Variants in WDR31 observed in about 807,000 individuals in gnomAD.
The protein encoded by WDR31 is WD repeat domain 31.
In WDR31, 30 loss-of-function variants were observed where a neutral mutation model predicts 47.3. That is an observed-to-expected ratio of 0.63 (90% CI 0.47 to 0.86). The LOEUF is 0.86. Among genes scored for constraint, WDR31 ranks in the 40% least tolerant of loss-of-function variants. The probability of loss-of-function intolerance (pLI) is 0.00; values close to 1 mark genes in which losing one functional copy is unlikely to be tolerated. For missense variants in WDR31, 406 were observed against 442.9 expected (o/e 0.92, Z 0.75); for synonymous variants, 137 against 159.4 (o/e 0.86, Z 1.06).
intron 4 of WDR31, 136 bp from the exon 5 acceptor site, chr9:113,329,091 GT>G: frequency 1.3e-6 from 1 of 754,826 alleles, no homozygotes; most frequent in Middle Eastern, 2.4e-4. Context: ...AGCATTCGGG[GT>G]TCCCTGTTGT....
rs140926040 is a variant in WDR31 at position 113,324,482 on chromosome 9, C to T, written c.325-1327G>A. Among the ~76,000 whole-genome samples, 24 of 151,666 alleles carry T rather than the reference C, an allele frequency of 1.6e-4. No individual in the cohort carries two copies. In the East Asian group the frequency reaches 1.9e-3, roughly 12 times the overall value. ...TCGGTTCACTGCAACCTTCCCTTCC[C>T]GGGCTCAAGCAATCCACTTGCCTCA... On this transcript the variant is annotated intron_variant, in intron 5 of 10. Coordinates refer to ENST00000374193, the MANE Select transcript of WDR31 (RefSeq NM_001012361.4).
chr9:113,322,214 G>C (rs1833339569), intron 7 of WDR31, among the ~76,000 whole-genome samples: 1 of 151,726 alleles, frequency 6.6e-6, no homozygotes, highest in Non-Finnish European at 1.5e-5. Flanking sequence ...GCAGGTGATA[G>C]AATTCTCCCC....
chr9:113,330,395 C>A (rs1398950225), intron 4 of WDR31, among the ~76,000 whole-genome samples: 1 of 152,194 alleles, frequency 6.6e-6, no homozygotes, highest in Non-Finnish European at 1.5e-5. Flanking sequence ...GCCACCACAC[C>A]CGGCCCATTA....
rs1554730591 is a variant in WDR31 at position 113,331,904 on chromosome 9, T to C, written c.116+3A>G. On this transcript the variant is annotated splice_donor_region_variant and intron_variant, in intron 3 of 10. Coordinates refer to ENST00000374193, the MANE Select transcript of WDR31 (RefSeq NM_001012361.4). ...CTGGGCTCCCAGGGGAGGATTGCAG[T>C]ACCCGTATTTATAAGTGCTGTGTTT... The C allele has an allele frequency of 6.2e-7, 1 of 1,613,052 alleles. No individual in the cohort carries two copies. Among genetic ancestry groups the C allele is most frequent in the Non-Finnish European group, 8.5e-7 (1 of 1,179,210 alleles).
intron 8 of WDR31, 171 bp downstream of exon 8, chr9:113,321,340 A>G: frequency 3.2e-6 from 2 of 633,884 alleles, no homozygotes; most frequent in South Asian, 4.0e-5. Flanking sequence ...CTCTACCTTA[A>G]TGATCCATGG....
rs1209674727 is a variant in WDR31 at position 113,314,335 on chromosome 9, C to T, written c.*2414G>A. 6.6e-6 allele frequency: 1 copy of T among 150,786 alleles called. No homozygotes were observed. The highest frequency in any genetic ancestry group is 2.4e-5 in the African/African-American group (1 of 41,014). 9.3% of individuals were successfully genotyped at this position (150,786 alleles called of 1,614,324 possible). The stretch of plus-strand genomic sequence containing the variant: ...GTTGAAGCGATTCTCCTGCCTCAGC[C>T]TCCTGAGTAGCTGGGACTACAGGCG... On this transcript the variant is annotated 3_prime_UTR_variant, in exon 11 of 11. Coordinates refer to ENST00000374193, the MANE Select transcript of WDR31 (RefSeq NM_001012361.4).
intron 5 of WDR31, among the ~76,000 whole-genome samples, chr9:113,325,068 C>A (rs533222206): frequency 5.2e-4 from 79 of 152,106 alleles, no homozygotes; most frequent in African/African-American, 1.9e-3. Flanking sequence ...GTCTCAGCCT[C>A]CTGCATAGCT....
intron 2 of WDR31, among the ~76,000 whole-genome samples, chr9:113,334,490 A>G (rs1275942532): frequency 6.6e-6 from 1 of 152,040 alleles, no homozygotes; most frequent in Non-Finnish European, 1.5e-5. Context: ...AAAATTAATA[A>G]GTAAATGTCT....
At chr9:113,334,295 A>G (rs1833670237) in intron 2 of WDR31, among the ~76,000 whole-genome samples, 1 of 152,220 alleles carries the variant, frequency 6.6e-6, no homozygotes, top group Non-Finnish European at 1.5e-5. Context: ...AATAGATTAT[A>G]ATAGACTGAA....
At chr9:113,331,161 G>C (rs748181668) in intron 3 of WDR31, 45 bp from the exon 4 acceptor site, 1 of 500,818 alleles carries the variant, frequency 2.0e-6, no homozygotes, top group Non-Finnish European at 3.1e-6. Flanking sequence ...CATGGGAGTG[G>C]ATGGGGGTGG....
rs1280801552 is a variant in WDR31 at position 113,314,768 on chromosome 9, A to C, written c.*1981T>G. ...GTAGCTGGGATTACAGGCATGCACC[A>C]CCACGCCTGGCTAATTTTTGTATTT... On this transcript the variant is annotated 3_prime_UTR_variant, in exon 11 of 11. Transcript: ENST00000374193. The C allele has an allele frequency of 6.6e-6, 1 of 152,016 alleles. No individual in the cohort carries two copies. Among genetic ancestry groups the C allele is most frequent in the African/African-American group, 2.4e-5 (1 of 41,314 alleles). The allele number at this position is 152,016 out of a possible 1,614,324, so 9.4% of individuals were successfully genotyped here. A position where few individuals can be genotyped will look rare whatever the true frequency, so the allele number is the denominator to read the frequency against.
intron 5 of WDR31, among the ~76,000 whole-genome samples, chr9:113,327,227 C>T (rs1479657305): frequency 6.6e-6 from 1 of 152,122 alleles, no homozygotes; most frequent in Non-Finnish European, 1.5e-5. Flanking sequence ...ATCTTTGCTT[C>T]TTGAGTAGTT....
intron 2 of WDR31, among the ~76,000 whole-genome samples, chr9:113,334,790 C>G (rs1370127138): frequency 6.8e-6 from 1 of 146,752 alleles, no homozygotes; most frequent in Non-Finnish European, 1.5e-5. Context: ...AACCCCTGAC[C>G]TCAGGTGATC....
At chr9:113,338,713 G>A (rs1833766887) in intron 1 of WDR31, among the ~76,000 whole-genome samples, 1 of 151,690 alleles carries the variant, frequency 6.6e-6, no homozygotes, top group African/African-American at 2.4e-5. Flanking sequence ...CCACCTCCCA[G>A]GTTCAAGCGA....
At chr9:113,328,389 C>T (rs913136425) in intron 5 of WDR31, among the ~76,000 whole-genome samples, 1 of 152,140 alleles carries the variant, frequency 6.6e-6, no homozygotes, top group Non-Finnish European at 1.5e-5. Flanking sequence ...GACTTCAGAG[C>T]GGGGAATTAT....
chr9:113,329,719 A>T (rs926585051), intron 4 of WDR31, among the ~76,000 whole-genome samples: 11 of 151,744 alleles, frequency 7.2e-5, no homozygotes, highest in African/African-American at 2.7e-4. Context: ...CACGCCTGTA[A>T]TCCCAGCACT....
intron 5 of WDR31, among the ~76,000 whole-genome samples, chr9:113,324,982 G>C (rs935015582): frequency 2.6e-5 from 4 of 152,032 alleles, no homozygotes; most frequent in African/African-American, 9.7e-5. Context: ...GTCTCACTCT[G>C]TCGCCCAGGC....
chr9:113,318,448 G>T, intron 10 of WDR31, 27 bp downstream of exon 10: 2 of 1,613,740 alleles, frequency 1.2e-6, no homozygotes, highest in South Asian at 1.1e-5. Flanking sequence ...TGTATCTTTT[G>T]AGGAGAACTA....
At position 113,322,875 on chromosome 9, in the gene WDR31, G is replaced by A. The variant is rs1269798587; in HGVS notation, c.506C>T (p.Thr169Ile). The A allele has an allele frequency of 2.5e-6, 4 of 1,614,094 alleles. No homozygotes were observed. Among genetic ancestry groups the A allele is most frequent in the African/African-American group, 2.7e-5 (2 of 74,932 alleles). Reference sequence around the variant, plus strand: ...TGTCACCACATCCCACAGAAGCAGGGTGTTGTCCCGAGAGCCAGTGCACAG... The same window carrying A: ...TGTCACCACATCCCACAGAAGCAGGATGTTGTCCCGAGAGCCAGTGCACAG... The part of the protein sequence containing the change: ...SQLCTGSRDN[T>I]LLLWDVVTGQ... The change falls in exon 7 of 11, where the codon ACC becomes ATC. Residue 169 changes from threonine to isoleucine, a missense_variant. Thr to Ile is a moderately conservative substitution (Grantham distance 89). Transcript: ENST00000374193.
Sources: gnomAD v4.1 joint callset for allele counts (sites outside exome capture counted in the v4.1 genomes callset) on GRCh38, gnomAD v4.1.1 for gene constraint, MANE v1.5 for transcripts, NCBI Gene and HGNC (gene_info 2026-07-23, HGNC 2026-07-21) for gene names.